Variants in FAF1 observed in about 807,000 individuals in gnomAD.
The protein encoded by FAF1 is Fas associated factor 1, also known as FAS-associated factor 1.
In FAF1, 25 loss-of-function variants were observed where a neutral mutation model predicts 92.5. That is an observed-to-expected ratio of 0.27 (90% CI 0.20 to 0.38). The LOEUF (loss-of-function observed/expected upper bound fraction) is 0.38, where lower values mean the gene tolerates loss of function less well. Ranked by LOEUF, FAF1 falls within the 10% of genes least tolerant of loss-of-function variation. The pLI, the probability that FAF1 is intolerant of heterozygous loss-of-function variation, is 1.00. For synonymous variants in FAF1, 234 were observed against 273.2 expected (o/e 0.86, Z 1.42); for missense variants, 636 against 793.3 (o/e 0.80, Z 2.38).
chr1:50,686,088 G>A (rs1656643753), intron 7 of FAF1, among the ~76,000 whole-genome samples: 1 of 152,154 alleles, frequency 6.6e-6, no homozygotes, highest in South Asian at 2.1e-4. Context: ...GTTAGTCACA[G>A]AAACCCTGTA....
Position 50,890,710 on chromosome 1 carries a change from A to G in FAF1, c.46-32713T>C, listed in dbSNP as rs1644712101. On this transcript the variant is annotated intron_variant, in intron 1 of 18. Transcript: ENST00000396153. ...TGGTCCCCACTCTCTTCTGGCTTGT[A>G]GAGTTTCTGTCGAGAGATCCCCTGT... Among the ~76,000 whole-genome samples the G allele has an allele frequency of 2.0e-5, 3 of 152,160 alleles. 1 individual carries two copies. In the South Asian group the frequency reaches 6.2e-4, roughly 31 times the overall value.
chr1:50,510,789 ATGAG>A (rs1647125275), intron 15 of FAF1, among the ~76,000 whole-genome samples: 1 of 152,190 alleles, frequency 6.6e-6, no homozygotes, highest in Admixed American at 6.5e-5. Flanking sequence ...ACATACATAA[ATGAG>A]TAATTTTAAT....
intron 15 of FAF1, among the ~76,000 whole-genome samples, chr1:50,511,656 A>G (rs1647136664): frequency 6.6e-6 from 1 of 152,136 alleles, no homozygotes; most frequent in Non-Finnish European, 1.5e-5. Context: ...ACTGATGGGC[A>G]TTTGGGTTGG....
chr1:50,508,378 T>C (rs143795599), intron 15 of FAF1, among the ~76,000 whole-genome samples: 1 of 152,198 alleles, frequency 6.6e-6, no homozygotes, highest in Admixed American at 6.5e-5. Context: ...ATGTGGTATA[T>C]CCATACAATG....
At chr1:50,530,526 TG>T (rs1001118675) in intron 15 of FAF1, among the ~76,000 whole-genome samples, 2 of 151,950 alleles carry the variant, frequency 1.3e-5, no homozygotes, top group Admixed American at 1.3e-4. Context: ...GGATGTTTAA[TG>T]GGTACAAAAA....
chr1:50,620,369 G>A (rs570407028), intron 8 of FAF1, among the ~76,000 whole-genome samples: 2 of 152,264 alleles, frequency 1.3e-5, no homozygotes, highest in Middle Eastern at 3.4e-3. Flanking sequence ...TACTTGTATT[G>A]TATTATGAAA....
In FAF1 at chr1:50,788,210, AAT is replaced by A. The variant is rs747589558; in HGVS notation, c.162-7_162-6del. ...ATGGTCTCACCTCCATATTCACTAA[AAT>A]GTTGACATAAAAGAAGGATTATTGT... is the stretch of plus-strand genomic sequence containing the variant. On this transcript the variant is annotated splice_polypyrimidine_tract_variant and splice_region_variant and intron_variant, in intron 3 of 18. Transcript: ENST00000396153. 8.1e-6 allele frequency: 13 copies of A among 1,610,994 alleles called. No homozygotes were observed. In the South Asian group the frequency reaches 1.3e-4, roughly 16 times the overall value.
chr1:50,518,671 A>C (rs1205657024), intron 15 of FAF1, among the ~76,000 whole-genome samples: 2 of 152,010 alleles, frequency 1.3e-5, no homozygotes, highest in Non-Finnish European at 2.9e-5. Context: ...CAATCTCCTG[A>C]CCTTGTGATC....
chr1:50,517,113 G>A (rs1310757296), intron 15 of FAF1, among the ~76,000 whole-genome samples: 7 of 152,074 alleles, frequency 4.6e-5, no homozygotes, highest in African/African-American at 1.7e-4. Context: ...ATTTAAGGCA[G>A]TATTTTTCTA....
chr1:50,836,194 A>T (rs1644203188), intron 2 of FAF1, among the ~76,000 whole-genome samples: 1 of 52,326 alleles, frequency 1.9e-5, no homozygotes, highest in Non-Finnish European at 4.4e-5. Context: ...TTTTTTAGAC[A>T]GGGTCTCATT....
chr1:50,786,175 T>A (rs182422901), intron 4 of FAF1, among the ~76,000 whole-genome samples: 3 of 152,046 alleles, frequency 2.0e-5, no homozygotes. Flanking sequence ...TGCAGCGTTA[T>A]TCACAACAGC....
At chr1:50,948,459 C>T (rs2405004) in intron 1 of FAF1, among the ~76,000 whole-genome samples, 149,961 of 152,278 alleles carry the variant, frequency 0.98, 73,883 homozygotes, top group East Asian at 1. Flanking sequence ...CAGACTATCA[C>T]ATGGCAAGAG....
chr1:50,886,164 G>A (rs1644661924), intron 1 of FAF1, among the ~76,000 whole-genome samples: 1 of 152,058 alleles, frequency 6.6e-6, no homozygotes, highest in Non-Finnish European at 1.5e-5. Flanking sequence ...TGTATTTACT[G>A]TTGCCAGTGG....
At chr1:50,690,448 A>G (rs972442242) in intron 7 of FAF1, among the ~76,000 whole-genome samples, 3 of 152,050 alleles carry the variant, frequency 2.0e-5, no homozygotes, top group Non-Finnish European at 4.4e-5. Flanking sequence ...TAAAAATAAA[A>G]CAATTAGCTG....
In FAF1 at chr1:50,818,833, TC is replaced by T. The variant is rs950531503; in HGVS notation, c.115-17157del. ...GCCTGGGCGACAGAGCGAGACTCCA[TC>T]CCCCCACCAAAAAAAAAAAAGAAAT... On this transcript the variant is annotated intron_variant, in intron 2 of 18. Coordinates refer to ENST00000396153, the MANE Select transcript of FAF1 (RefSeq NM_007051.3). Among the ~76,000 whole-genome samples the T allele has an allele frequency of 1.2e-4, 17 of 147,508 alleles. No individual in the cohort carries two copies. The South Asian group carries it at 2.6e-3, about 22-fold the overall frequency.
At chr1:50,671,390 G>A (rs1051849366) in intron 7 of FAF1, among the ~76,000 whole-genome samples, 2 of 150,362 alleles carry the variant, frequency 1.3e-5, no homozygotes, top group African/African-American at 2.5e-5. Context: ...GGGCAACAGA[G>A]CAAGACTCCG....
At chr1:50,819,251 G>A (rs1466412972) in intron 2 of FAF1, among the ~76,000 whole-genome samples, 1 of 152,032 alleles carries the variant, frequency 6.6e-6, no homozygotes, top group African/African-American at 2.4e-5. Context: ...TTGATTGAGG[G>A]AGGGGGGATT....
intron 1 of FAF1, among the ~76,000 whole-genome samples, chr1:50,924,940 G>C (rs1241227846): frequency 2.0e-5 from 3 of 152,174 alleles, no homozygotes; most frequent in Non-Finnish European, 4.4e-5. Context: ...CTGAGATCGT[G>C]CCATTGCACT....
chr1:50,869,854 T>C (rs376419376), intron 1 of FAF1, among the ~76,000 whole-genome samples: 4 of 152,192 alleles, frequency 2.6e-5, no homozygotes, highest in African/African-American at 7.2e-5. Context: ...TTAAAGTCTC[T>C]TTGTTACCAG....
Sources: gnomAD v4.1 joint callset for allele counts (sites outside exome capture counted in the v4.1 genomes callset) on GRCh38, gnomAD v4.1.1 for gene constraint, MANE v1.5 for transcripts, NCBI Gene and HGNC (gene_info 2026-07-23, HGNC 2026-07-21) for gene names.